The following ELOVL5 variants were observed in gnomAD, a reference collection of about 807,000 sequenced individuals.
ELOVL5 encodes very long chain fatty acid elongase 5.
ELOVL5 carries 8 observed loss-of-function variants against 38.6 expected under a neutral mutation model. That is an observed-to-expected ratio of 0.21 (90% CI 0.12 to 0.37). The LOEUF is 0.37. ELOVL5 is among the 10% of genes least tolerant of loss of function. The pLI is 1.00. For synonymous variants in ELOVL5, 127 were observed against 133.7 expected, an observed-to-expected ratio of 0.95 and a Z score of 0.34; for missense variants, 280 against 367.8, an observed-to-expected ratio of 0.76 and a Z score of 1.95.
chr6:53,318,552 G>T (rs959991188), intron 1 of ELOVL5, among the ~76,000 whole-genome samples: 1 of 151,350 alleles, frequency 6.6e-6, no homozygotes, highest in African/African-American at 2.4e-5. Context: ...TGGGCAAAAC[G>T]GTGAGACCCC....
chr6:53,327,767 T>C (rs1268532835), intron 1 of ELOVL5, among the ~76,000 whole-genome samples: 1 of 152,232 alleles, frequency 6.6e-6, no homozygotes, highest in African/African-American at 2.4e-5. Context: ...CTTTCCATCG[T>C]TCTGCTTATA....
intron 1 of ELOVL5, among the ~76,000 whole-genome samples, chr6:53,326,300 GTTC>G: frequency 6.6e-6 from 1 of 152,164 alleles, no homozygotes; most frequent in South Asian, 2.1e-4. Flanking sequence ...TTGCACCTGA[GTTC>G]TTTTTAACCA....
At chr6:53,305,740 T>G (rs1243508296) in intron 1 of ELOVL5, among the ~76,000 whole-genome samples, 6 of 135,904 alleles carry the variant, frequency 4.4e-5, no homozygotes, top group South Asian at 2.4e-4. Context: ...AGGCAGAGGG[T>G]CTCCTCACAT....
chr6:53,294,353 G>T lies in ELOVL5; in HGVS notation c.58+1289C>A. On this transcript the variant is annotated intron_variant, in intron 2 of 7. Transcript: ENST00000304434. ...GATGACAGCTGGCAAAGAGCTCTGG[G>T]AAACAACTTCTTTATGCTTAAAACC... The T allele has an allele frequency of 1.9e-6, 3 of 1,573,092 alleles. No homozygotes were observed. In the South Asian group the frequency reaches 3.5e-5, roughly 18 times the overall value.
rs796722860 is a variant in ELOVL5, at chr6:53,317,849, T to A, written c.-8-22142A>T. On this transcript the variant is annotated intron_variant, in intron 1 of 7. Transcript: ENST00000304434. ...CAAAAAAAAATTAAAAAAAATAAAA[T>A]AAAATAAAATAAAAACCTAATCCCG... Among the ~76,000 whole-genome samples, 122 of 144,432 alleles carry A rather than the reference T, an allele frequency of 8.4e-4. No individual in the cohort carries two copies. The South Asian group carries it at 0.014, about 16-fold the overall frequency. The allele number at this position is 144,432 out of a possible 152,430, so 94.8% of individuals were successfully genotyped here.
chr6:53,343,429 T>C (rs966626001), intron 1 of ELOVL5, among the ~76,000 whole-genome samples: 12 of 152,142 alleles, frequency 7.9e-5, no homozygotes, highest in Non-Finnish European at 1.0e-4. Context: ...CCCAGGCTGG[T>C]TGCAAACTCC....
chr6:53,328,316 T>A, intron 1 of ELOVL5, among the ~76,000 whole-genome samples: 1 of 152,068 alleles, frequency 6.6e-6, no homozygotes, highest in South Asian at 2.1e-4. Context: ...TATATCCCAT[T>A]AAAAAAAATC....
chr6:53,276,671 GGTGA>G (rs1279720638), intron 3 of ELOVL5, among the ~76,000 whole-genome samples: 1 of 152,068 alleles, frequency 6.6e-6, no homozygotes, highest in African/African-American at 2.4e-5. Flanking sequence ...TTACCTGAGG[GGTGA>G]GTTAGTAAAA....
chr6:53,301,189 A>T (rs1767234345), intron 1 of ELOVL5, among the ~76,000 whole-genome samples: 1 of 152,110 alleles, frequency 6.6e-6, no homozygotes, highest in South Asian at 2.1e-4. Context: ...GCCCAATCAC[A>T]CTGCCAGGTC....
chr6:53,341,194 A>G (rs947035815), intron 1 of ELOVL5, among the ~76,000 whole-genome samples: 4 of 152,350 alleles, frequency 2.6e-5, no homozygotes, highest in Admixed American at 2.0e-4. Context: ...GAAGAAACAA[A>G]CGGTCACCCT....
At chr6:53,322,302 A>T (rs1768331773) in intron 1 of ELOVL5, among the ~76,000 whole-genome samples, 1 of 152,212 alleles carries the variant, frequency 6.6e-6, no homozygotes, top group Non-Finnish European at 1.5e-5. Flanking sequence ...TTGAAGTAAG[A>T]AGACTCTTCC....
At chr6:53,332,020 C>T (rs1768826412) in intron 1 of ELOVL5, among the ~76,000 whole-genome samples, 1 of 152,254 alleles carries the variant, frequency 6.6e-6, no homozygotes, top group East Asian at 1.9e-4. Context: ...AGATGCCAGG[C>T]TCTTTTACAC....
intron 1 of ELOVL5, among the ~76,000 whole-genome samples, chr6:53,312,556 A>G (rs1243261040): frequency 6.6e-6 from 1 of 152,216 alleles, no homozygotes; most frequent in Non-Finnish European, 1.5e-5. Context: ...TATGAAGGCC[A>G]CATGTGCTGA....
At chr6:53,289,345 C>T (rs912403534) in intron 3 of ELOVL5, among the ~76,000 whole-genome samples, 5 of 152,192 alleles carry the variant, frequency 3.3e-5, no homozygotes, top group Non-Finnish European at 7.4e-5. Flanking sequence ...GCTTCATGAT[C>T]TCCTCAGTTC....
intron 1 of ELOVL5, among the ~76,000 whole-genome samples, chr6:53,298,629 C>A (rs997734807): frequency 2.6e-5 from 4 of 152,070 alleles, no homozygotes; most frequent in Non-Finnish European, 4.4e-5. Context: ...AGGAAGCCCC[C>A]AATAGATGTT....
At chr6:53,320,422 C>T (rs1170262752) in intron 1 of ELOVL5, among the ~76,000 whole-genome samples, 3 of 152,014 alleles carry the variant, frequency 2.0e-5, no homozygotes, top group Non-Finnish European at 2.9e-5. Context: ...CTGCAAGCTC[C>T]TCCCCCTGGG....
intron 1 of ELOVL5, among the ~76,000 whole-genome samples, chr6:53,340,483 C>T (rs1370014329): frequency 1.3e-5 from 2 of 152,154 alleles, no homozygotes; most frequent in Non-Finnish European, 2.9e-5. Flanking sequence ...CATTCACTCC[C>T]CACTCACTGA....
chr6:53,279,021 C>G (rs1318390561), intron 3 of ELOVL5, among the ~76,000 whole-genome samples: 1 of 148,588 alleles, frequency 6.7e-6, no homozygotes, highest in Non-Finnish European at 1.5e-5. Context: ...CTTCCTTAAC[C>G]GCTACACAGT....
intron 1 of ELOVL5, among the ~76,000 whole-genome samples, chr6:53,314,757 G>C (rs1415772718): frequency 1.3e-5 from 2 of 152,106 alleles, no homozygotes; most frequent in Non-Finnish European, 2.9e-5. Flanking sequence ...ACTAACAACA[G>C]CTTAACACAC....
Sources: gnomAD v4.1 joint callset for allele counts (sites outside exome capture counted in the v4.1 genomes callset) on GRCh38, gnomAD v4.1.1 for gene constraint, MANE v1.5 for transcripts, NCBI Gene and HGNC (gene_info 2026-07-23, HGNC 2026-07-21) for gene names.